MED23: variants seen among roughly 807,000 people sequenced by gnomAD.
The protein encoded by MED23 is mediator complex subunit 23, also known as mediator of RNA polymerase II transcription subunit 23.
Under a neutral mutation model 163.9 loss-of-function variants are expected in MED23, and 105 were observed. The observed-to-expected ratio is 0.64, with a 90% CI of 0.55 to 0.75. The LOEUF (loss-of-function observed/expected upper bound fraction) is 0.75, where lower values mean the gene tolerates loss of function less well. Ranked by LOEUF, MED23 falls within the 30% of genes least tolerant of loss-of-function variation. MED23 has a pLI of 0.00. For synonymous variants in MED23, 561 were observed against 565.6 expected (o/e 0.99, Z 0.12); for missense variants, 1,054 against 1,649.0 (o/e 0.64, Z 6.25).
chr6:131,617,781 A>G (rs1351428578), intron 9 of MED23, among the ~76,000 whole-genome samples: 1 of 152,212 alleles, frequency 6.6e-6, no homozygotes, highest in East Asian at 1.9e-4. Flanking sequence ...CTGCTCACTA[A>G]TGCAACAATT....
At position 131,627,682 on chromosome 6, in the gene MED23, A is replaced by AAC. The variant is rs1777613994; in HGVS notation, c.40-11_40-10insGT. 1 of 1,601,948 alleles carries AAC rather than the reference A, an allele frequency of 6.2e-7. No individual in the cohort carries two copies. Among genetic ancestry groups the AAC allele is most frequent in the East Asian group, 2.2e-5 (1 of 44,814 alleles). On this transcript the variant is annotated splice_polypyrimidine_tract_variant and intron_variant, in intron 1 of 28. Transcript: ENST00000368068. Reference sequence around the variant, plus strand: ...CTATAACTTCCGTTTTCTGTAAAAAAAAAAAAAACAAAATGTAAACAATGT... The same window carrying AAC: ...CTATAACTTCCGTTTTCTGTAAAAAAACAAAAAAAACAAAATGTAAACAATGT...
In MED23 at chr6:131,598,765, A is replaced by C; in HGVS notation, c.2221-4T>G. On this transcript the variant is annotated splice_region_variant and splice_polypyrimidine_tract_variant and intron_variant, in intron 18 of 28. Coordinates refer to ENST00000368068, the MANE Select transcript of MED23 (RefSeq NM_004830.4). The surrounding 1 kb of genome is among the most constrained non-coding windows in gnomAD (Gnocchi z 4.7). ...CATTATTTTGTTTGAAGAATGCCTA[A>C]AAAGAGGATTAGAAGTTTATTTCAT... The C allele has an allele frequency of 6.2e-7, 1 of 1,613,034 alleles. No homozygotes were observed. Among genetic ancestry groups the C allele is most frequent in the South Asian group, 1.1e-5 (1 of 91,064 alleles).
intron 9 of MED23, among the ~76,000 whole-genome samples, chr6:131,617,121 A>G (rs1258430238): frequency 6.7e-6 from 1 of 149,818 alleles, no homozygotes; most frequent in Admixed American, 6.7e-5. Context: ...TATTAAATAT[A>G]TTAATTTAGA....
At chr6:131,619,969 A>G in intron 7 of MED23, 73 bp from the exon 8 acceptor site, 3 of 883,132 alleles carry the variant, frequency 3.4e-6, no homozygotes, top group Non-Finnish European at 5.7e-6. Context: ...CCTGAAATAT[A>G]TGAACATTTA....
chr6:131,602,521 T>C (rs1775561039), intron 16 of MED23, 140 bp from the exon 17 acceptor site: 2 of 763,852 alleles, frequency 2.6e-6, no homozygotes, highest in East Asian at 5.4e-5. Flanking sequence ...GAATAAATGT[T>C]GCTTAATTTG....
intron 17 of MED23, among the ~76,000 whole-genome samples, chr6:131,600,997 T>C (rs1271347118): frequency 6.6e-6 from 1 of 151,408 alleles, no homozygotes; most frequent in Non-Finnish European, 1.5e-5. Flanking sequence ...AAAACACTTG[T>C]GCACTTGTGT....
In MED23 at chr6:131,581,042, A is replaced by C. The variant is rs116284369; in HGVS notation, c.4095+6667T>G. Among the ~76,000 whole-genome samples the C allele has an allele frequency of 7.4e-3, 1,131 of 152,342 alleles. 15 individuals are homozygous for C. The highest frequency in any genetic ancestry group is 0.025 in the African/African-American group (1,035 of 41,576). On this transcript the variant is annotated intron_variant, in intron 30 of 30. Transcript: ENST00000354577. Reference sequence around the variant, plus strand: ...AAATATAACTAGTTAGTGAGCATTAAGTGTAAGTTATGCTTTCTCTATTGT... The same window carrying C: ...AAATATAACTAGTTAGTGAGCATTACGTGTAAGTTATGCTTTCTCTATTGT...
chr6:131,584,069 G>A, downstream of MED23: 1 of 819,634 alleles, frequency 1.2e-6, no homozygotes, highest in Non-Finnish European at 1.8e-6. Flanking sequence ...TAAAATTCAA[G>A]ATGTGGAAAT....
Position 131,592,480 on chromosome 6 carries a change from A to C in MED23, c.3399-20T>G. The C allele has an allele frequency of 1.9e-6, 3 of 1,607,434 alleles. No homozygotes were observed. The highest frequency in any genetic ancestry group is 2.6e-6 in the Non-Finnish European group (3 of 1,174,164). On this transcript the variant is annotated intron_variant, in intron 24 of 28. Transcript: ENST00000368068. ...GGCTGACTGCAACCGGCAAAAAAGA[A>C]TGTAAGTATGAATTTATAAAAACAT...
At chr6:131,582,349 A>G (rs1773969032), downstream of MED23, among the ~76,000 whole-genome samples, 1 of 152,182 alleles carries the variant, frequency 6.6e-6, no homozygotes, top group African/African-American at 2.4e-5. Context: ...TAATGGGAGC[A>G]CAATCGTTTC....
At chr6:131,609,433 ATT>A (rs1776097299) in intron 11 of MED23, among the ~76,000 whole-genome samples, 3 of 138,744 alleles carry the variant, frequency 2.2e-5, no homozygotes, top group Admixed American at 7.3e-5. Context: ...GCAAGTTTCT[ATT>A]TGTCCTTCAA....
chr6:131,580,942 G>A (rs1414702948), intron 30 of MED23, among the ~76,000 whole-genome samples: 1 of 151,956 alleles, frequency 6.6e-6, no homozygotes, highest in Non-Finnish European at 1.5e-5. Flanking sequence ...TTTTGGCTAC[G>A]CTCTAATCGT....
Position 131,594,165 on chromosome 6 carries a change from G to A in MED23, c.3166C>T (p.Arg1056Ter), listed in dbSNP as rs556616129. Residue 1056 changes from arginine (R) to a stop codon, truncating the protein, a stop_gained, in exon 23 of 29, where the codon CGA becomes TGA. Coordinates refer to ENST00000368068, the MANE Select transcript of MED23 (RefSeq NM_004830.4). LOFTEE classifies it high-confidence loss of function. ...DTYLKCAMNA[R>*]EENPWVPDDT... The stretch of plus-strand genomic sequence containing the variant: ...TCTGGAACCCAAGGATTTTCCTCTC[G>A]TGCATTCATAGCGCATTTCAGGTAA... The A allele has an allele frequency of 1.9e-6, 3 of 1,614,046 alleles. No individual in the cohort carries two copies. The highest frequency in any genetic ancestry group is 2.2e-5 in the East Asian group (1 of 44,878).
At chr6:131,601,855 ACTT>A (rs71702717) in intron 17 of MED23, among the ~76,000 whole-genome samples, 3,010 of 152,102 alleles carry the variant, frequency 0.02, 114 homozygotes, top group African/African-American at 0.069. Context: ...ATATTTTTAA[ACTT>A]CTTAATTTTA....
chr6:131,578,966 C>T (rs1252746988), intron 30 of MED23: 2 of 913,128 alleles, frequency 2.2e-6, no homozygotes, highest in African/African-American at 3.4e-5. Context: ...CATGGGTCTA[C>T]CTTCCCAAGA....
chr6:131,605,734 CCAT>C (rs1432086204), intron 13 of MED23, among the ~76,000 whole-genome samples: 1 of 152,054 alleles, frequency 6.6e-6, no homozygotes, highest in Non-Finnish European at 1.5e-5. Context: ...TATATGACCA[CCAT>C]ATTAGGCTAA....
At chr6:131,616,065 G>C (rs1043597139) in intron 9 of MED23, 63 bp from the exon 10 acceptor site, 11 of 1,345,644 alleles carry the variant, frequency 8.2e-6, no homozygotes, top group Admixed American at 7.0e-5. Context: ...CAAATTATTA[G>C]AAATGAGATT....
At chr6:131,590,581 T>C in intron 26 of MED23, 139 bp from the exon 27 acceptor site, 2 of 554,162 alleles carry the variant, frequency 3.6e-6, no homozygotes, top group Non-Finnish European at 6.2e-6. Flanking sequence ...ATAATATTTC[T>C]AATTAATCTC....
At chr6:131,584,874 C>A (rs1334945642), downstream of MED23, among the ~76,000 whole-genome samples, 1 of 150,464 alleles carries the variant, frequency 6.6e-6, no homozygotes, top group Non-Finnish European at 1.5e-5. Flanking sequence ...TGGTGAACAT[C>A]TGTAGTCCCA....
Sources: gnomAD v4.1 joint callset for allele counts (sites outside exome capture counted in the v4.1 genomes callset) on GRCh38, gnomAD v4.1.1 for gene constraint, Gnocchi (gnomAD v3.1) non-coding constraint, MANE v1.5 for transcripts, NCBI Gene and HGNC (gene_info 2026-07-23, HGNC 2026-07-21) for gene names.